The following TBCD variants were observed in gnomAD, a reference collection of about 807,000 sequenced individuals.
TBCD encodes tubulin folding cofactor D.
In TBCD, 105 loss-of-function variants were observed where a neutral mutation model predicts 169.3. The ratio of observed to expected loss-of-function variants is 0.62; its 90% CI spans 0.53 to 0.73. The LOEUF (loss-of-function observed/expected upper bound fraction) is 0.73, where lower values mean the gene tolerates loss of function less well. TBCD is among the 30% of genes least tolerant of loss of function. The pLI is 0.00. For missense variants in TBCD, 1,444 were observed against 1,600.1 expected (o/e 0.90, Z 1.66); for synonymous variants, 700 against 643.9 (o/e 1.09, Z -1.32).
intron 4 of TBCD, among the ~76,000 whole-genome samples, chr17:82,766,575 C>T (rs914029157): frequency 4.6e-5 from 7 of 151,850 alleles, no homozygotes; most frequent in African/African-American, 1.7e-4. Flanking sequence ...TAAAATAGCC[C>T]CTTTATAAAA....
intron 17 of TBCD, among the ~76,000 whole-genome samples, chr17:82,898,238 C>T (rs1362328793): frequency 4.6e-5 from 3 of 65,454 alleles, no homozygotes; most frequent in East Asian, 7.8e-4. Flanking sequence ...TGGGAGCACA[C>T]GGCACGGCTC....
In TBCD at chr17:82,835,785, C is replaced by A. The variant is rs1194292301; in HGVS notation, c.1318+20851C>A. ...TCCCCCTACAAACTGCCTCTATTAA[C>A]ATACTTTAAGTTCTTTAAGACATTT... On this transcript the variant is annotated intron_variant, in intron 13 of 38. Coordinates refer to ENST00000355528, the MANE Select transcript of TBCD (RefSeq NM_005993.5). The surrounding 1 kb of genome is among the most constrained non-coding windows in gnomAD (Gnocchi z 4.5). 6.6e-6 allele frequency among the ~76,000 whole-genome samples: 1 copy of A among 152,198 alleles called. No individual in the cohort carries two copies. Among genetic ancestry groups the A allele is most frequent in the Non-Finnish European group, 1.5e-5 (1 of 68,024 alleles).
chr17:82,913,070 G>C (rs76932724), intron 23 of TBCD: 1 of 152,284 alleles, frequency 6.6e-6, no homozygotes, highest in Non-Finnish European at 1.5e-5. Flanking sequence ...TCACCTTTCC[G>C]ACGTACCCAT....
intron 6 of TBCD, among the ~76,000 whole-genome samples, chr17:82,772,841 G>A (rs897467983): frequency 9.9e-5 from 15 of 152,072 alleles, no homozygotes; most frequent in African/African-American, 3.4e-4. Context: ...AAACATCTCG[G>A]GCCGTCTCCC....
At position 82,884,340 on chromosome 17, in the gene TBCD, A is replaced by G; in HGVS notation, c.1533+138A>G. ...CCGCGAGGGAGCTGCTGAGAGTGCC[A>G]GCTGCGGGCAGGCCACTGGTTCTTA... On this transcript the variant is annotated intron_variant, in intron 15 of 38. Transcript: ENST00000355528. The surrounding 1 kb of genome is among the most constrained non-coding windows in gnomAD (Gnocchi z 4.2). 1.3e-6 allele frequency: 1 copy of G among 787,192 alleles called. No homozygotes were observed. Among genetic ancestry groups the G allele is most frequent in the Admixed American group, 2.1e-5 (1 of 47,546 alleles). The allele number at this position is 787,192 out of a possible 1,614,324, so 48.8% of individuals were successfully genotyped here. A position where few individuals can be genotyped will look rare whatever the true frequency, so the allele number is the denominator to read the frequency against.
chr17:82,851,565 C>T (rs771084612), intron 13 of TBCD, among the ~76,000 whole-genome samples: 20 of 152,180 alleles, frequency 1.3e-4, no homozygotes, highest in Admixed American at 6.5e-4. Flanking sequence ...CTTGGTGACT[C>T]GGCCTCAGAC....
intron 7 of TBCD, among the ~76,000 whole-genome samples, chr17:82,792,357 G>GCGCACACACA (rs1555684059): frequency 3.4e-5 from 5 of 145,666 alleles, no homozygotes; most frequent in African/African-American, 1.2e-4. Context: ...ATACATGTGT[G>GCGCACACACA]CACACACACA....
chr17:82,817,543 C>T (rs184022617), intron 13 of TBCD, among the ~76,000 whole-genome samples: 17 of 152,304 alleles, frequency 1.1e-4, no homozygotes, highest in East Asian at 1.9e-4. Context: ...GCGATCCCCC[C>T]GCTTCAGCCT....
At chr17:82,830,537 C>G in intron 13 of TBCD, 1 of 1,614,120 alleles carries the variant, frequency 6.2e-7, no homozygotes, top group Admixed American at 1.7e-5. Flanking sequence ...TGGCTGGGCC[C>G]ATCCTCAGAA....
At chr17:82,804,391 T>C (rs970164684) in intron 9 of TBCD, among the ~76,000 whole-genome samples, 5 of 149,006 alleles carry the variant, frequency 3.4e-5, no homozygotes, top group African/African-American at 1.2e-4. Flanking sequence ...TCAGGGTCTC[T>C]CCTGAGGCTT....
At chr17:82,937,152 G>T (rs1055711239) in intron 34 of TBCD, 119 bp from the exon 35 acceptor site, 46 of 839,644 alleles carry the variant, frequency 5.5e-5, no homozygotes, top group Non-Finnish European at 8.7e-5. Flanking sequence ...CCTCAGGGCT[G>T]CAGGCTTCTT....
intron 32 of TBCD, 69 bp downstream of exon 32, chr17:82,929,569 G>A (rs766120532): frequency 1.3e-6 from 2 of 1,588,202 alleles, no homozygotes; most frequent in African/African-American, 2.7e-5. Flanking sequence ...CCTGTCTCTT[G>A]GGAGCATGTA....
chr17:82,901,961 T>A (rs1437680214), intron 18 of TBCD, among the ~76,000 whole-genome samples: 1 of 152,206 alleles, frequency 6.6e-6, no homozygotes. Flanking sequence ...GTTACAGATA[T>A]ATGCCCGTAG....
chr17:82,941,333 A>T, intron 37 of TBCD, 66 bp from the exon 38 acceptor site: 1 of 1,380,184 alleles, frequency 7.2e-7, no homozygotes, highest in Non-Finnish European at 9.8e-7. Context: ...TTGACGCGGG[A>T]CCTCCGCACA....
chr17:82,861,501 T>A (rs1446264226), intron 13 of TBCD, among the ~76,000 whole-genome samples: 1 of 152,104 alleles, frequency 6.6e-6, no homozygotes, highest in Non-Finnish European at 1.5e-5. Context: ...TTGATAATCA[T>A]CCCTTAAACT....
chr17:82,897,915 G>A (rs923700760), intron 17 of TBCD, among the ~76,000 whole-genome samples: 2 of 151,488 alleles, frequency 1.3e-5, no homozygotes, highest in African/African-American at 4.9e-5. Flanking sequence ...CTGGTTTTCT[G>A]TTGGAGTGAG....
At chr17:82,936,531 G>A (rs865944227) in intron 34 of TBCD, among the ~76,000 whole-genome samples, 101 of 152,270 alleles carry the variant, frequency 6.6e-4, no homozygotes, top group African/African-American at 2.3e-3. Flanking sequence ...TTGAGGGGTC[G>A]CACCTCAGAG....
At chr17:82,933,477 C>A (rs1447536721) in intron 34 of TBCD, among the ~76,000 whole-genome samples, 1 of 152,072 alleles carries the variant, frequency 6.6e-6, no homozygotes, top group Non-Finnish European at 1.5e-5. Context: ...TGGTCTTGAA[C>A]TCCTGGCCCC....
rs200465187 is a variant in TBCD at position 82,766,390 on chromosome 17, C to G, written c.435+22C>G. 2.8e-5 allele frequency: 44 copies of G among 1,581,832 alleles called. No individual in the cohort carries two copies. The East Asian group carries it at 7.2e-4, about 26-fold the overall frequency. On this transcript the variant is annotated intron_variant, in intron 4 of 38. Coordinates refer to ENST00000355528, the MANE Select transcript of TBCD (RefSeq NM_005993.5). ...TGAAGTGAGTGTCTCTGCCTCCCCC[C>G]TCGTCTCCAGCCCTCCGTGCCTGTC...
Sources: gnomAD v4.1 joint callset for allele counts (sites outside exome capture counted in the v4.1 genomes callset) on GRCh38, gnomAD v4.1.1 for gene constraint, Gnocchi (gnomAD v3.1) non-coding constraint, MANE v1.5 for transcripts, NCBI Gene and HGNC (gene_info 2026-07-23, HGNC 2026-07-21) for gene names.